Variants in TMEM165 observed in about 807,000 individuals in gnomAD.
TMEM165 encodes the protein putative divalent cation/proton antiporter TMEM165.
TMEM165 carries 19 observed loss-of-function variants against 30.0 expected under a neutral mutation model. The observed-to-expected ratio is 0.63, with a 90% CI of 0.44 to 0.93. TMEM165 has a LOEUF of 0.93. Among genes scored for constraint, TMEM165 ranks in the 40% least tolerant of loss-of-function variants. The pLI is 0.00. For missense variants in TMEM165, 340 were observed against 417.0 expected, an observed-to-expected ratio of 0.82 and a Z score of 1.61; for synonymous variants, 168 against 162.9, an observed-to-expected ratio of 1.03 and a Z score of -0.24.
chr4:55,413,772 TTA>T (rs1721609312), intron 2 of TMEM165, among the ~76,000 whole-genome samples: 1 of 152,270 alleles, frequency 6.6e-6, no homozygotes, highest in Non-Finnish European at 1.5e-5. Context: ...ATTTGTACTC[TTA>T]TCTAAATAAA....
intron 3 of TMEM165, chr4:55,432,640 T>C (rs1200745977): frequency 1.4e-5 from 2 of 138,938 alleles, no homozygotes; most frequent in Non-Finnish European, 3.1e-5. Flanking sequence ...GGGGGCGGGA[T>C]AGCTTTGCAA....
intron 1 of TMEM165, among the ~76,000 whole-genome samples, chr4:55,401,673 G>C (rs990622783): frequency 6.7e-6 from 1 of 150,314 alleles, no homozygotes; most frequent in Admixed American, 6.6e-5. Flanking sequence ...ACTCCACCCA[G>C]TCCAGCCTCC....
chr4:55,417,549 G>A (rs1384232586), intron 3 of TMEM165: 18 of 542,668 alleles, frequency 3.3e-5, no homozygotes, highest in East Asian at 1.5e-4. Context: ...CTCCCGTGGT[G>A]TCTAGGATAG....
At chr4:55,448,454 A>G (rs1724068658) in intron 3 of TMEM165, among the ~76,000 whole-genome samples, 1 of 152,220 alleles carries the variant, frequency 6.6e-6, no homozygotes, top group African/African-American at 2.4e-5. Flanking sequence ...AAAGATATTT[A>G]GTATTCCTGG....
rs528962953 is a variant in TMEM165, at chr4:55,448,723, C to A, written c.409-3516C>A. 4 of 1,411,922 alleles carry A rather than the reference C, an allele frequency of 2.8e-6. 1 individual carries two copies. In the African/African-American group the frequency reaches 4.3e-5, roughly 15 times the overall value. The allele number at this position is 1,411,922 out of a possible 1,614,324, so 87.5% of individuals were successfully genotyped here. A position where few individuals can be genotyped will look rare whatever the true frequency, so the allele number is the denominator to read the frequency against. On this transcript the variant is annotated intron_variant, in intron 3 of 3. Transcript: ENST00000608091. ...TGGATTTTTAAAAAAATTACATTAG[C>A]TTAAAAGCAATTTATCATATTCAAA...
chr4:55,400,456 A>AT (rs1471627924), intron 1 of TMEM165, among the ~76,000 whole-genome samples: 1 of 138,662 alleles, frequency 7.2e-6, no homozygotes, highest in Non-Finnish European at 1.5e-5. Context: ...ATATATATAT[A>AT]TTTTTTTGTC....
chr4:55,405,359 A>G (rs569948525), intron 1 of TMEM165, among the ~76,000 whole-genome samples: 1 of 152,358 alleles, frequency 6.6e-6, no homozygotes, highest in South Asian at 2.1e-4. Context: ...TGCAGTTTCC[A>G]AGAGCCTATT....
chr4:55,424,206 C>A (rs1284030469), intron 4 of TMEM165: 1 of 236,692 alleles, frequency 4.2e-6, no homozygotes, highest in Non-Finnish European at 8.1e-6. Flanking sequence ...TAAAATCCTC[C>A]CTAGCACTTG....
chr4:55,448,592 G>A (rs1051005396), intron 3 of TMEM165, among the ~76,000 whole-genome samples: 17 of 130,916 alleles, frequency 1.3e-4, no homozygotes, highest in Non-Finnish European at 2.5e-4. Flanking sequence ...GTGCGCGCGC[G>A]CACGCGCGCG....
At chr4:55,443,882 T>C (rs1243503738) in intron 3 of TMEM165, 9 of 1,612,556 alleles carry the variant, frequency 5.6e-6, no homozygotes, top group South Asian at 2.2e-5. Flanking sequence ...CAGGATTTGA[T>C]TGTTGCAAAA....
intron 4 of TMEM165, among the ~76,000 whole-genome samples, chr4:55,418,893 A>G (rs1721851244): frequency 6.6e-6 from 1 of 151,920 alleles, no homozygotes; most frequent in Non-Finnish European, 1.5e-5. Flanking sequence ...AAAAATACAA[A>G]AATTAGCCGG....
At chr4:55,398,975 T>A (rs1720845246) in intron 1 of TMEM165, 1 of 152,144 alleles carries the variant, frequency 6.6e-6, no homozygotes, top group Admixed American at 6.6e-5. Context: ...AGAACTAAGC[T>A]TTTATCATCT....
chr4:55,434,446 T>C (rs1722729340), intron 3 of TMEM165: 1 of 152,614 alleles, frequency 6.6e-6, no homozygotes, highest in African/African-American at 2.4e-5. Context: ...TTTCCAACTA[T>C]GAACTATAAC....
intron 1 of TMEM165, among the ~76,000 whole-genome samples, chr4:55,400,217 T>C (rs1194603674): frequency 7.4e-5 from 1 of 13,496 alleles, no homozygotes; most frequent in Non-Finnish European, 1.0e-4. Context: ...ATATTTATAT[T>C]ATATATTAAT....
downstream of TMEM165, chr4:55,429,753 CAAAG>C (rs753628139): frequency 1.3e-5 from 2 of 152,140 alleles, no homozygotes; most frequent in Non-Finnish European, 2.9e-5. Context: ...GCCCATAAAA[CAAAG>C]AAGGCAGCAA....
At chr4:55,427,830 C>G (rs1722295820), downstream of TMEM165, 1 of 152,096 alleles carries the variant, frequency 6.6e-6, no homozygotes, top group Non-Finnish European at 1.5e-5. Flanking sequence ...TTTGGTAAGT[C>G]AGACCTAAGC....
chr4:55,418,070 G>T, intron 4 of TMEM165, 85 bp downstream of exon 4: 2 of 1,266,938 alleles, frequency 1.6e-6, no homozygotes, highest in Non-Finnish European at 2.2e-6. Flanking sequence ...ACACTGAAGT[G>T]GGCCACAGCA....
intron 3 of TMEM165, among the ~76,000 whole-genome samples, chr4:55,439,352 AAAC>A (rs1385208656): frequency 6.6e-6 from 1 of 152,202 alleles, no homozygotes; most frequent in East Asian, 1.9e-4. Flanking sequence ...TATAAAAAAC[AAAC>A]AACAATAGAA....
intron 4 of TMEM165, among the ~76,000 whole-genome samples, chr4:55,421,297 C>CTTTTTTTTTTTTTTTT (rs766025971): frequency 9.4e-6 from 1 of 105,902 alleles, no homozygotes; most frequent in Admixed American, 9.9e-5. Flanking sequence ...TTCTTTCTTT[C>CTTTTTTTTTTTTTTTT]TTTTTTTTTT....
Sources: gnomAD v4.1 joint callset for allele counts (sites outside exome capture counted in the v4.1 genomes callset) on GRCh38, gnomAD v4.1.1 for gene constraint, MANE v1.5 for transcripts, NCBI Gene and HGNC (gene_info 2026-07-23, HGNC 2026-07-21) for gene names.